Variants in SYT14 observed in about 807,000 individuals in gnomAD.
The protein encoded by SYT14 is synaptotagmin 14, also known as synaptotagmin-14.
A neutral mutation model predicts 74.2 loss-of-function variants in SYT14; 32 were observed. The ratio of observed to expected loss-of-function variants is 0.43; its 90% CI spans 0.33 to 0.58. The LOEUF (loss-of-function observed/expected upper bound fraction) is 0.58, where lower values mean the gene tolerates loss of function less well. Ranked by LOEUF, SYT14 falls within the 20% of genes least tolerant of loss-of-function variation. SYT14 has a pLI of 0.05. For missense variants in SYT14, 791 were observed against 981.8 expected (o/e 0.81, Z 2.60); for synonymous variants, 298 against 337.7 (o/e 0.88, Z 1.29).
rs749192802 is a variant in SYT14, at chr1:209,938,260, G to A, written c.-551G>A. 7.7e-6 allele frequency: 12 copies of A among 1,559,336 alleles called. 1 individual carries two copies. The Admixed American group carries it at 1.8e-4, about 23-fold the overall frequency. ...CCAGTTGGTGCGGTCCATGGCGAGC[G>A]CATCATGGCGATTGAAGGTAAGTGG... On this transcript the variant is annotated 5_prime_UTR_variant, in exon 1 of 10. Coordinates refer to ENST00000637265, the Ensembl canonical transcript of SYT14.
chr1:210,148,847 G>A (rs1172040248), intron 7 of SYT14, among the ~76,000 whole-genome samples: 1 of 151,998 alleles, frequency 6.6e-6, no homozygotes, highest in South Asian at 2.1e-4. Flanking sequence ...TCTCTTTCGA[G>A]GCTTATATAA....
intron 7 of SYT14, among the ~76,000 whole-genome samples, chr1:210,101,871 ATC>A (rs557570699): frequency 1.2e-3 from 176 of 152,310 alleles, no homozygotes; most frequent in African/African-American, 3.5e-3. Context: ...TATGTAATTT[ATC>A]TGTTACCAAT....
chr1:210,148,908 C>T (rs2083100344), intron 7 of SYT14, among the ~76,000 whole-genome samples: 2 of 152,100 alleles, frequency 1.3e-5, no homozygotes, highest in South Asian at 4.1e-4. Context: ...AAACCAATCT[C>T]ATTTATAAAC....
At chr1:210,083,795 C>T (rs1224312323) in intron 5 of SYT14, among the ~76,000 whole-genome samples, 2 of 138,380 alleles carry the variant, frequency 1.4e-5, no homozygotes, top group African/African-American at 5.0e-5. Flanking sequence ...GTCTCGAACT[C>T]CTGGGCACAA....
intron 2 of SYT14, among the ~76,000 whole-genome samples, chr1:209,965,307 T>A (rs1194747922): frequency 6.6e-6 from 1 of 152,142 alleles, no homozygotes; most frequent in Non-Finnish European, 1.5e-5. Flanking sequence ...TGAGAAGAAG[T>A]GATGTTTGAT....
chr1:209,947,253 A>AT (rs2078837747), intron 1 of SYT14, among the ~76,000 whole-genome samples: 1 of 152,322 alleles, frequency 6.6e-6, no homozygotes, highest in African/African-American at 2.4e-5. Context: ...TAGGAAATAT[A>AT]TTGTGTAAGG....
At chr1:209,966,401 A>G (rs1572080496) in intron 2 of SYT14, among the ~76,000 whole-genome samples, 3 of 152,322 alleles carry the variant, frequency 2.0e-5, no homozygotes, top group South Asian at 4.1e-4. Flanking sequence ...GGACTGTGTT[A>G]GAAAAAAACA....
At chr1:209,988,278 AG>A (rs2079605139) in intron 2 of SYT14, among the ~76,000 whole-genome samples, 1 of 152,114 alleles carries the variant, frequency 6.6e-6, no homozygotes, top group South Asian at 2.1e-4. Context: ...TACCTTTGGA[AG>A]TTTGATTTAG....
intron 1 of SYT14, among the ~76,000 whole-genome samples, chr1:209,943,236 T>C (rs1449211732): frequency 6.6e-6 from 1 of 152,056 alleles, no homozygotes; most frequent in Non-Finnish European, 1.5e-5. Flanking sequence ...GTTTTAAGGT[T>C]GTATTAGAAT....
At chr1:210,159,519 C>T (rs1243637696) in intron 9 of SYT14, 42 bp downstream of exon 8, 1 of 1,530,546 alleles carries the variant, frequency 6.5e-7, no homozygotes, top group East Asian at 2.5e-5. Flanking sequence ...TCTTTTCATG[C>T]AAAACCAAAA....
chr1:210,120,373 T>TG (rs1362412242), intron 7 of SYT14, among the ~76,000 whole-genome samples: 18 of 144,512 alleles, frequency 1.2e-4, no homozygotes, highest in East Asian at 6.3e-4. Context: ...CTGTTTTTTT[T>TG]TTTTTTGTTT....
intron 2 of SYT14, among the ~76,000 whole-genome samples, chr1:209,977,150 C>A (rs1322227272): frequency 6.6e-6 from 1 of 152,178 alleles, no homozygotes; most frequent in Non-Finnish European, 1.5e-5. Context: ...TTGGTCTTGA[C>A]TGTTTGTCCA....
intron 2 of SYT14, among the ~76,000 whole-genome samples, chr1:209,961,161 G>A (rs1558094192): frequency 6.6e-6 from 1 of 151,960 alleles, no homozygotes; most frequent in African/African-American, 2.4e-5. Flanking sequence ...GTGCATCGTG[G>A]GCTCTTCCTT....
In SYT14 at chr1:210,051,417, A is replaced by G. The variant is rs189849101; in HGVS notation, c.1312+30163A>G. Among the ~76,000 whole-genome samples the G allele has an allele frequency of 4.4e-3, 670 of 152,266 alleles. 4 individuals are homozygous for G. Among genetic ancestry groups the G allele is most frequent in the Non-Finnish European group, 6.0e-3 (405 of 68,002 alleles). ...TATTTCATTCGATGTTGAGTTTTTCAATTTGTTTTTGAATATGTAAAACAT... is the reference window on the plus strand; with the variant it reads ...TATTTCATTCGATGTTGAGTTTTTCGATTTGTTTTTGAATATGTAAAACAT... On this transcript the variant is annotated intron_variant, in intron 5 of 9. Coordinates refer to ENST00000637265, the Ensembl canonical transcript of SYT14.
intron 1 of SYT14, 140 bp from the exon 2 acceptor site, chr1:209,952,569 A>C (rs1300048106): frequency 1.5e-6 from 1 of 668,368 alleles, no homozygotes; most frequent in Non-Finnish European, 2.6e-6. Context: ...TATAATATTC[A>C]TTTAGTTAAG....
chr1:210,100,789 A>AT (rs751756644), intron 7 of SYT14, among the ~76,000 whole-genome samples: 17 of 139,296 alleles, frequency 1.2e-4, no homozygotes, highest in Non-Finnish European at 5.1e-5. Context: ...TATAGAATTT[A>AT]TTATTTTTTT....
At chr1:209,996,674 G>C (rs1248618395) in intron 2 of SYT14, among the ~76,000 whole-genome samples, 1 of 151,802 alleles carries the variant, frequency 6.6e-6, no homozygotes, top group Non-Finnish European at 1.5e-5. Flanking sequence ...CTTCAGGCCA[G>C]TATCCTGAAC....
chr1:210,142,414 T>C (rs2082935339), intron 7 of SYT14, among the ~76,000 whole-genome samples: 1 of 152,188 alleles, frequency 6.6e-6, no homozygotes, highest in Non-Finnish European at 1.5e-5. Context: ...TGTTTGCCAG[T>C]GTTCATGTTG....
intron 2 of SYT14, among the ~76,000 whole-genome samples, chr1:210,001,386 T>G (rs1218129037): frequency 2.6e-5 from 4 of 152,172 alleles, no homozygotes; most frequent in Non-Finnish European, 5.9e-5. Context: ...TGTTACATTA[T>G]TTTTACATAG....
Sources: allele counts gnomAD v4.1 joint callset (sites outside exome capture counted in the v4.1 genomes callset), GRCh38; gene constraint gnomAD v4.1.1; transcripts MANE v1.5; gene names NCBI Gene and HGNC (gene_info 2026-07-23, HGNC 2026-07-21).